PIK3CB: variants seen among roughly 807,000 people sequenced by gnomAD.
PIK3CB encodes phosphatidylinositol 4,5-bisphosphate 3-kinase catalytic subunit beta isoform.
Under a neutral mutation model 136.8 loss-of-function variants are expected in PIK3CB, and 39 were observed. That is an observed-to-expected ratio of 0.29 (90% confidence interval 0.22 to 0.37). The LOEUF is 0.37. Ranked by LOEUF, PIK3CB falls within the 10% of genes least tolerant of loss-of-function variation. The pLI is 1.00. For missense variants in PIK3CB, 868 were observed against 1,275.4 expected, an observed-to-expected ratio of 0.68 and a Z score of 4.87; for synonymous variants, 428 against 436.6, an observed-to-expected ratio of 0.98 and a Z score of 0.25.
chr3:138,673,248 A>G (rs1320858786), intron 19 of PIK3CB, among the ~76,000 whole-genome samples: 1 of 152,182 alleles, frequency 6.6e-6, no homozygotes, highest in African/African-American at 2.4e-5. Flanking sequence ...GAGAACTGCA[A>G]TACTGAAGGA....
intron 1 of PIK3CB, among the ~76,000 whole-genome samples, chr3:138,833,494 A>AT (rs1353078617): frequency 1.3e-5 from 2 of 152,174 alleles, no homozygotes; most frequent in Non-Finnish European, 2.9e-5. Context: ...AAATCTTACA[A>AT]TGTAGCATAA....
intron 1 of PIK3CB, among the ~76,000 whole-genome samples, chr3:138,798,129 A>C (rs2046129031): frequency 6.6e-6 from 1 of 152,088 alleles, no homozygotes; most frequent in African/African-American, 2.4e-5. Context: ...TAAAGATAGA[A>C]AGAAACAAGA....
chr3:138,657,921 A>G (rs1396877087), intron 21 of PIK3CB, 86 bp from the exon 22 acceptor site: 1 of 1,325,822 alleles, frequency 7.5e-7, no homozygotes, highest in African/African-American at 1.5e-5. Flanking sequence ...CTAGACCCCC[A>G]GGAACTATAC....
In PIK3CB at chr3:138,654,419, G is replaced by A. The variant is rs2043159171; in HGVS notation, c.*970C>T. 4.4e-6 allele frequency: 1 copy of A among 226,270 alleles called. No individual in the cohort carries two copies. Among genetic ancestry groups the A allele is most frequent in the Admixed American group, 5.7e-5 (1 of 17,554 alleles). 14.0% of individuals were successfully genotyped at this position (226,270 alleles called of 1,614,324 possible). A position where few individuals can be genotyped will look rare whatever the true frequency, so the allele number is the denominator to read the frequency against. On this transcript the variant is annotated 3_prime_UTR_variant, in exon 24 of 24. Transcript: ENST00000674063. ...ATTATTACAAGTTTTAATAAATACA[G>A]TAAGAAGAGCTGGCATTTTTCTAAA...
Position 138,699,018 on chromosome 3 carries a change from A to G in PIK3CB, c.1659T>C (p.Asn553=). The G allele has an allele frequency of 6.2e-7, 1 of 1,606,030 alleles. No homozygotes were observed. The highest frequency in any genetic ancestry group is 8.5e-7 in the Non-Finnish European group (1 of 1,174,286). ...DRDPLSQLCE[N]EMDLIWTLRQ... ...GCAAAGTCCAAATAAGATCCATTTC[A>G]TTTTCACACAGTTGAGACAAGGGAT... The change falls in exon 13 of 24, where the codon AAT becomes AAC. Residue 553 remains asparagine, a synonymous_variant. Transcript: ENST00000674063.
intron 4 of PIK3CB, among the ~76,000 whole-genome samples, chr3:138,750,071 G>T (rs2045438675): frequency 6.6e-6 from 1 of 151,976 alleles, no homozygotes; most frequent in East Asian, 1.9e-4. Context: ...TAGAGATGGG[G>T]TTTTGCTATG....
At chr3:138,706,258 C>A (rs1170876512) in intron 11 of PIK3CB, among the ~76,000 whole-genome samples, 1 of 152,254 alleles carries the variant, frequency 6.6e-6, no homozygotes, top group East Asian at 1.9e-4. Flanking sequence ...AAACACCATG[C>A]CAAACCTAAA....
intron 8 of PIK3CB, among the ~76,000 whole-genome samples, chr3:138,715,021 A>C (rs2044579048): frequency 1.3e-5 from 2 of 152,206 alleles, no homozygotes; most frequent in African/African-American, 4.8e-5. Flanking sequence ...TCAATGGTTT[A>C]AACAGGTCTA....
chr3:138,755,171 A>G (rs2045542452), intron 4 of PIK3CB, among the ~76,000 whole-genome samples: 1 of 152,238 alleles, frequency 6.6e-6, no homozygotes, highest in African/African-American at 2.4e-5. Context: ...GAAACATCAA[A>G]CAGCTTAAAG....
At chr3:138,713,363 T>C (rs2044543487) in intron 9 of PIK3CB, among the ~76,000 whole-genome samples, 2 of 151,996 alleles carry the variant, frequency 1.3e-5, no homozygotes, top group Middle Eastern at 3.4e-3. Flanking sequence ...GAGATGCTTA[T>C]ATTCCCATGT....
intron 22 of PIK3CB, among the ~76,000 whole-genome samples, chr3:138,657,030 G>A (rs1337717410): frequency 6.6e-6 from 1 of 152,144 alleles, no homozygotes; most frequent in African/African-American, 2.4e-5. Context: ...GCCTCCCAAA[G>A]TGCTGAGATT....
chr3:138,688,373 T>C (rs2043937857), intron 16 of PIK3CB, among the ~76,000 whole-genome samples: 1 of 151,734 alleles, frequency 6.6e-6, no homozygotes, highest in Non-Finnish European at 1.5e-5. Context: ...TGGTGGCGCA[T>C]GCCTGTAGTC....
intron 13 of PIK3CB, among the ~76,000 whole-genome samples, chr3:138,697,004 T>A (rs934278915): frequency 2.0e-5 from 3 of 152,220 alleles, no homozygotes; most frequent in African/African-American, 7.2e-5. Flanking sequence ...ATGACTTTGG[T>A]AAGATTATTT....
intron 19 of PIK3CB, among the ~76,000 whole-genome samples, chr3:138,680,112 C>A (rs994215413): frequency 6.6e-6 from 1 of 152,022 alleles, no homozygotes; most frequent in Non-Finnish European, 1.5e-5. Flanking sequence ...GTAATTCCAG[C>A]ACTTTGGGAG....
intron 2 of PIK3CB, among the ~76,000 whole-genome samples, chr3:138,783,442 A>G (rs1436951705): frequency 6.6e-6 from 1 of 151,912 alleles, no homozygotes; most frequent in East Asian, 1.9e-4. Context: ...GCACCCAGCT[A>G]ATTTTTTCAT....
chr3:138,684,590 A>G, intron 17 of PIK3CB, 35 bp downstream of exon 17: 8 of 1,519,250 alleles, frequency 5.3e-6, no homozygotes, highest in South Asian at 2.5e-5. Flanking sequence ...CTTGCTATTC[A>G]TAGGAGATTC....
chr3:138,777,750 A>G (rs973139889), intron 2 of PIK3CB: 1 of 154,132 alleles, frequency 6.5e-6, no homozygotes, highest in Admixed American at 6.5e-5. Context: ...TCTTAAAAAA[A>G]AAATTTACAC....
intron 1 of PIK3CB, among the ~76,000 whole-genome samples, chr3:138,834,445 A>G (rs6778874): frequency 0.56 from 84,579 of 152,136 alleles, 25,492 homozygotes; most frequent in African/African-American, 0.79. Context: ...TCTGCCGCCC[A>G]GGGGCCGGGG....
chr3:138,720,245 C>T (rs2044699129), intron 8 of PIK3CB, among the ~76,000 whole-genome samples: 1 of 152,150 alleles, frequency 6.6e-6, no homozygotes, highest in South Asian at 2.1e-4. Context: ...TTGACTTCAC[C>T]ACACCCTAGC....
Sources: gnomAD v4.1 joint callset for allele counts (sites outside exome capture counted in the v4.1 genomes callset) on GRCh38, gnomAD v4.1.1 for gene constraint, MANE v1.5 for transcripts, NCBI Gene and HGNC (gene_info 2026-07-23, HGNC 2026-07-21) for gene names.